Variants in DYRK1A observed in about 807,000 individuals in gnomAD.
DYRK1A encodes dual specificity tyrosine-phosphorylation-regulated kinase 1A.
A neutral mutation model predicts 79.7 loss-of-function variants in DYRK1A; 9 were observed. That is an observed-to-expected ratio of 0.11 (90% CI 0.07 to 0.20). DYRK1A has a LOEUF of 0.20. DYRK1A is among the 10% of genes least tolerant of loss of function. The probability of loss-of-function intolerance (pLI) is 1.00; values close to 1 mark genes in which losing one functional copy is unlikely to be tolerated. For missense variants in DYRK1A, 622 were observed against 956.0 expected (o/e 0.65, Z 4.61); for synonymous variants, 349 against 329.7 (o/e 1.06, Z -0.63).
In DYRK1A at chr21:37,523,635, A is replaced by G. The variant is rs1200843484; in HGVS notation, c.*11104A>G. 2.0e-5 allele frequency: 3 copies of G among 152,174 alleles called. No homozygotes were observed. The highest frequency in any genetic ancestry group is 4.4e-5 in the Non-Finnish European group (3 of 68,044). The allele number at this position is 152,174 out of a possible 1,614,324, so 9.4% of individuals were successfully genotyped here. On this transcript the variant is annotated 3_prime_UTR_variant, in exon 12 of 12. Coordinates refer to ENST00000647188, the MANE Select transcript of DYRK1A (RefSeq NM_001347721.2). ...CGACTTTGGCTTCTGTTTCCTGCCCATTGCAGATTAGGCATCAGCAAGGTA... is the reference window on the plus strand; with the variant it reads ...CGACTTTGGCTTCTGTTTCCTGCCCGTTGCAGATTAGGCATCAGCAAGGTA...
rs2053967348 is a variant in DYRK1A at position 37,526,293 on chromosome 21, TAG to T, written c.*13765_*13766del. 1 of 152,212 alleles carries T rather than the reference TAG, an allele frequency of 6.6e-6. No homozygotes were observed. The highest frequency in any genetic ancestry group is 1.5e-5 in the Non-Finnish European group (1 of 68,040). 9.4% of individuals were successfully genotyped at this position (152,212 alleles called of 1,614,324 possible). The stretch of plus-strand genomic sequence containing the variant: ...GGCAACTATCTAAAGAAAAATTTAA[TAG>T]AGTCTAATAGAATCTTATAAAAATG... On this transcript the variant is annotated 3_prime_UTR_variant, in exon 12 of 12. Coordinates refer to ENST00000647188, the MANE Select transcript of DYRK1A (RefSeq NM_001347721.2).
intron 4 of DYRK1A, 118 bp downstream of exon 4, chr21:37,478,418 T>A: frequency 1.4e-6 from 1 of 714,230 alleles, no homozygotes; most frequent in Non-Finnish European, 2.2e-6. Flanking sequence ...TTGATGATTA[T>A]TATGAAGACT....
intron 2 of DYRK1A, among the ~76,000 whole-genome samples, chr21:37,469,733 G>C (rs941563892): frequency 5.0e-4 from 76 of 152,236 alleles, no homozygotes; most frequent in African/African-American, 1.8e-3. Context: ...ATAGCACTAG[G>C]GGGGATGGTG....
intron 1 of DYRK1A, among the ~76,000 whole-genome samples, chr21:37,408,859 A>G (rs1005116130): frequency 1.9e-4 from 29 of 152,202 alleles, no homozygotes; most frequent in South Asian, 4.1e-4. Context: ...AGTTGAGACT[A>G]TTAGCCTTCT....
rs1409879309 is a variant in DYRK1A at position 37,426,793 on chromosome 21, A to T, written c.10+6409A>T. 8.6e-3 allele frequency among the ~76,000 whole-genome samples: 1,286 copies of T among 149,338 alleles called. 21 individuals are homozygous for T. Among genetic ancestry groups the T allele is most frequent in the African/African-American group, 0.03 (1,231 of 40,792 alleles). On this transcript the variant is annotated intron_variant, in intron 2 of 11. Coordinates refer to ENST00000647188, the MANE Select transcript of DYRK1A (RefSeq NM_001347721.2). ...AAATAAGCCAGGTTTGGTGGCGGGC[A>T]CCTTTAGTCCCAGCTACTTGGGAGG...
intron 9 of DYRK1A, among the ~76,000 whole-genome samples, chr21:37,498,597 G>T (rs1310420230): frequency 6.6e-6 from 1 of 152,120 alleles, no homozygotes; most frequent in Non-Finnish European, 1.5e-5. Context: ...TCACCTGTCA[G>T]TGGTCATTTG....
chr21:37,373,960 C>G (rs1053464205), intron 1 of DYRK1A, among the ~76,000 whole-genome samples: 3 of 152,152 alleles, frequency 2.0e-5, no homozygotes, highest in African/African-American at 7.2e-5. Flanking sequence ...TGTATTTAAT[C>G]ATTAATTTTT....
intron 2 of DYRK1A, among the ~76,000 whole-genome samples, chr21:37,424,538 G>A (rs944122766): frequency 5.9e-5 from 9 of 152,054 alleles, no homozygotes; most frequent in Non-Finnish European, 1.0e-4. Context: ...TTTTATACTC[G>A]TGTTGACTAA....
At chr21:37,422,805 G>A (rs2050511709) in intron 2 of DYRK1A, among the ~76,000 whole-genome samples, 1 of 152,056 alleles carries the variant, frequency 6.6e-6, no homozygotes, top group Non-Finnish European at 1.5e-5. Flanking sequence ...CAATAAAGCT[G>A]GTGGGAGGAG....
chr21:37,450,367 G>GT (rs2051406235), intron 2 of DYRK1A, among the ~76,000 whole-genome samples: 1 of 152,170 alleles, frequency 6.6e-6, no homozygotes, highest in South Asian at 2.1e-4. Flanking sequence ...GGAGAAATAA[G>GT]TTGTGGTATA....
At chr21:37,389,424 T>A (rs1602386301) in intron 1 of DYRK1A, among the ~76,000 whole-genome samples, 1 of 152,134 alleles carries the variant, frequency 6.6e-6, no homozygotes, top group African/African-American at 2.4e-5. Flanking sequence ...CCTTGGCCTC[T>A]CAAAGTGCTT....
chr21:37,434,130 G>T (rs2050855331), intron 2 of DYRK1A, among the ~76,000 whole-genome samples: 1 of 152,154 alleles, frequency 6.6e-6, no homozygotes, highest in Non-Finnish European at 1.5e-5. Context: ...AGAAATTGTA[G>T]TGTTAGGGAT....
intron 1 of DYRK1A, among the ~76,000 whole-genome samples, chr21:37,403,144 T>G (rs1173657729): frequency 6.6e-6 from 1 of 152,168 alleles, no homozygotes; most frequent in African/African-American, 2.4e-5. Flanking sequence ...GCTGTTTAAT[T>G]TCATCTAGTA....
In DYRK1A at chr21:37,388,240, G is replaced by A. The variant is rs2049800617; in HGVS notation, c.-77+20612G>A. On this transcript the variant is annotated intron_variant, in intron 1 of 11. Transcript: ENST00000647188. The stretch of plus-strand genomic sequence containing the variant: ...TGGGACTATAGGCACATACCACCTT[G>A]CCTGACTAATTTTTCTGTATTTTGT... Among the ~76,000 whole-genome samples, 6 of 150,724 alleles carry A rather than the reference G, an allele frequency of 4.0e-5. No individual in the cohort carries two copies. In the South Asian group the frequency reaches 1.3e-3, roughly 32 times the overall value.
intron 11 of DYRK1A, among the ~76,000 whole-genome samples, chr21:37,509,205 T>C (rs2053683733): frequency 6.6e-6 from 1 of 152,236 alleles, no homozygotes; most frequent in Non-Finnish European, 1.5e-5. Context: ...TTGAGATATT[T>C]TATACATATT....
At chr21:37,372,044 A>G (rs1189649399) in intron 1 of DYRK1A, among the ~76,000 whole-genome samples, 2 of 152,044 alleles carry the variant, frequency 1.3e-5, no homozygotes, top group East Asian at 1.9e-4. Context: ...TACCAGAGCT[A>G]TGCATTTTCT....
chr21:37,509,372 A>T (rs2053689449), intron 11 of DYRK1A, among the ~76,000 whole-genome samples: 1 of 152,134 alleles, frequency 6.6e-6, no homozygotes, highest in Non-Finnish European at 1.5e-5. Flanking sequence ...TCATTCTTTT[A>T]TTTATTTGCA....
At chr21:37,484,276 A>C (rs901097694) in intron 5 of DYRK1A, among the ~76,000 whole-genome samples, 1 of 149,912 alleles carries the variant, frequency 6.7e-6, no homozygotes, top group African/African-American at 2.5e-5. Flanking sequence ...AGAGAGTGCT[A>C]CCTCCGCCAT....
chr21:37,456,753 A>G (rs566727481), intron 2 of DYRK1A, among the ~76,000 whole-genome samples: 1 of 151,890 alleles, frequency 6.6e-6, no homozygotes, highest in East Asian at 1.9e-4. Context: ...GGAGTGCTTG[A>G]CCTCTTTGTG....
Sources: gnomAD v4.1 joint callset for allele counts (sites outside exome capture counted in the v4.1 genomes callset) on GRCh38, gnomAD v4.1.1 for gene constraint, MANE v1.5 for transcripts, NCBI Gene and HGNC (gene_info 2026-07-23, HGNC 2026-07-21) for gene names.